CEP63: variants seen among roughly 807,000 people sequenced by gnomAD.
CEP63 encodes the protein centrosomal protein of 63 kDa.
Under a neutral mutation model 89.1 loss-of-function variants are expected in CEP63, and 84 were observed. The ratio of observed to expected loss-of-function variants is 0.94; its 90% CI spans 0.79 to 1.13. CEP63 has a LOEUF of 1.13. CEP63 is among the 50% of genes most tolerant of loss of function. The probability of loss-of-function intolerance (pLI) is 0.00; values close to 1 mark genes in which losing one functional copy is unlikely to be tolerated. For synonymous variants in CEP63, 267 were observed against 272.5 expected (o/e 0.98, Z 0.20); for missense variants, 838 against 813.3 (o/e 1.03, Z -0.37).
the CEP63 span, among the ~76,000 whole-genome samples, chr3:134,707,969 T>G: frequency 1.3e-5 from 2 of 152,092 alleles, no homozygotes; most frequent in Middle Eastern, 3.2e-3. Context: ...TTTCACTGAT[T>G]GGGGTAAGAC....
At chr3:134,628,170 C>G in the CEP63 span, 1 of 282,962 alleles carries the variant, frequency 3.5e-6, no homozygotes, top group Non-Finnish European at 6.8e-6. Context: ...CTTGAATCCA[C>G]TGCCAGATAA....
intron 3 of CEP63, among the ~76,000 whole-genome samples, chr3:134,526,139 C>T (rs1948597610): frequency 6.6e-6 from 1 of 152,076 alleles, no homozygotes; most frequent in African/African-American, 2.4e-5. Context: ...CCTTTTCATT[C>T]TTTTTTTCTC....
At chr3:134,538,198 GTTTT>G (rs66539157) in intron 6 of CEP63, among the ~76,000 whole-genome samples, 30 of 112,602 alleles carry the variant, frequency 2.7e-4, no homozygotes, top group Non-Finnish European at 3.4e-4. Context: ...AGAAGGGAGG[GTTTT>G]TTTTTTTTTT....
the CEP63 span, among the ~76,000 whole-genome samples, chr3:134,645,383 A>G: frequency 6.6e-6 from 1 of 152,186 alleles, no homozygotes; most frequent in African/African-American, 2.4e-5. Flanking sequence ...GCTCAGCAGC[A>G]TCTGTGTGCA....
the CEP63 span, among the ~76,000 whole-genome samples, chr3:134,597,471 T>G: frequency 2.6e-5 from 4 of 152,238 alleles, no homozygotes; most frequent in African/African-American, 9.6e-5. Flanking sequence ...CAAGTTAACT[T>G]GTGTGTGCTG....
At chr3:134,758,583 T>A in the CEP63 span, among the ~76,000 whole-genome samples, 2 of 152,204 alleles carry the variant, frequency 1.3e-5, no homozygotes, top group Admixed American at 1.3e-4. Context: ...CAAGGCCACT[T>A]AGCCATTTAA....
chr3:134,694,700 G>A, the CEP63 span, among the ~76,000 whole-genome samples: 1 of 152,224 alleles, frequency 6.6e-6, no homozygotes. Flanking sequence ...AGTATTGAGT[G>A]TGGTCTCATT....
At chr3:134,727,179 C>T in the CEP63 span, among the ~76,000 whole-genome samples, 3 of 152,102 alleles carry the variant, frequency 2.0e-5, no homozygotes, top group African/African-American at 7.2e-5. Context: ...GCCCAGTCTG[C>T]AAAGGGGAGG....
At chr3:134,759,096 G>T in the CEP63 span, among the ~76,000 whole-genome samples, 80 of 152,296 alleles carry the variant, frequency 5.3e-4, no homozygotes, top group African/African-American at 1.9e-3. Context: ...CAAGGAAACA[G>T]ATTCTCCCCT....
intron 3 of CEP63, 142 bp from the exon 4 acceptor site, chr3:134,531,703 C>G (rs1949886652): frequency 3.1e-6 from 2 of 636,406 alleles, no homozygotes; most frequent in African/African-American, 3.7e-5. Flanking sequence ...ATTTGACTTC[C>G]TAAGAAGTGG....
chr3:134,674,464 A>G, the CEP63 span, among the ~76,000 whole-genome samples: 1 of 152,246 alleles, frequency 6.6e-6, no homozygotes, highest in Non-Finnish European at 1.5e-5. Context: ...AAATCCATGA[A>G]TATCACACAG....
chr3:134,641,864 TTGTC>T, the CEP63 span, among the ~76,000 whole-genome samples: 5 of 152,198 alleles, frequency 3.3e-5, 1 homozygote, highest in African/African-American at 9.7e-5. Flanking sequence ...ACAGGGGCCT[TTGTC>T]TGTCTTCTTC....
chr3:134,620,225 G>A, the CEP63 span, among the ~76,000 whole-genome samples: 1 of 152,162 alleles, frequency 6.6e-6, no homozygotes, highest in Admixed American at 6.5e-5. Context: ...CATAGGCCCA[G>A]GTCCCTCAGG....
chr3:134,601,816 T>C, the CEP63 span, among the ~76,000 whole-genome samples: 1 of 152,226 alleles, frequency 6.6e-6, no homozygotes, highest in Non-Finnish European at 1.5e-5. Context: ...TGGGGACTTT[T>C]AGGGGAGGGA....
the CEP63 span, among the ~76,000 whole-genome samples, chr3:134,776,636 G>C: frequency 2.0e-5 from 3 of 152,138 alleles, no homozygotes; most frequent in Non-Finnish European, 2.9e-5. Flanking sequence ...AGGAGTACAC[G>C]CTCTTCTTGG....
At chr3:134,507,030 G>A (rs1943630869) in intron 2 of CEP63, 79 bp from the exon 3 acceptor site, 1 of 988,468 alleles carries the variant, frequency 1.0e-6, no homozygotes, top group South Asian at 1.3e-5. Context: ...ATTTACATCT[G>A]CTATATTTTT....
chr3:134,689,518 C>T, the CEP63 span, among the ~76,000 whole-genome samples: 1 of 151,958 alleles, frequency 6.6e-6, no homozygotes, highest in Non-Finnish European at 1.5e-5. Flanking sequence ...GTGGCATGAG[C>T]TCGGCTCACT....
chr3:134,651,045 CACACG>C, the CEP63 span: 1 of 1,582,790 alleles, frequency 6.3e-7, no homozygotes, highest in South Asian at 1.1e-5. Context: ...GCAGCTGCCC[CACACG>C]GGAGAGGGCG....
At chr3:134,678,234 C>G in the CEP63 span, among the ~76,000 whole-genome samples, 1 of 152,228 alleles carries the variant, frequency 6.6e-6, no homozygotes, top group African/African-American at 2.4e-5. Flanking sequence ...GCCCTCCGCT[C>G]CTTCCTGACA....
Sources: allele counts gnomAD v4.1 joint callset (sites outside exome capture counted in the v4.1 genomes callset), GRCh38; gene constraint gnomAD v4.1.1; transcripts MANE v1.5; gene names NCBI Gene and HGNC (gene_info 2026-07-23, HGNC 2026-07-21).